Variants in YWHAH observed in about 807,000 individuals in gnomAD.
YWHAH encodes tyrosine 3-monooxygenase/tryptophan 5-monooxygenase activation protein eta, also known as 14-3-3 protein eta.
Under a neutral mutation model 22.9 loss-of-function variants are expected in YWHAH, and 6 were observed. That is an observed-to-expected ratio of 0.26 (90% confidence interval 0.14 to 0.52). YWHAH has a LOEUF of 0.52. Among genes scored for constraint, YWHAH ranks in the 20% least tolerant of loss-of-function variants. The pLI is 0.97. For missense variants in YWHAH, 173 were observed against 308.6 expected, an observed-to-expected ratio of 0.56 and a Z score of 3.29; for synonymous variants, 135 against 124.5, an observed-to-expected ratio of 1.08 and a Z score of -0.56.
In YWHAH at chr22:31,944,912, A is replaced by T. The variant is rs886264466; in HGVS notation, c.87+92A>T. 13 of 1,155,394 alleles carry T rather than the reference A, an allele frequency of 1.1e-5. No individual in the cohort carries two copies. In the East Asian group the frequency reaches 1.6e-4, roughly 14 times the overall value. The allele number at this position is 1,155,394 out of a possible 1,614,324, so 71.6% of individuals were successfully genotyped here. On this transcript the variant is annotated intron_variant, in intron 1 of 1. Transcript: ENST00000248975. The stretch of plus-strand genomic sequence containing the variant: ...CCGCGGGCGCGTTCCCCTCCCGGCC[A>T]TGGGCGACCCGGCGACCCGGCTGGG...
intron 1 of YWHAH, chr22:31,945,665 AT>A (rs1425784871): frequency 2.4e-6 from 3 of 1,271,494 alleles, no homozygotes; most frequent in African/African-American, 1.5e-5. Flanking sequence ...TCTCCACGTT[AT>A]TTTACGTTTT....
chr22:31,945,077 C>A (rs1286083140), intron 1 of YWHAH: 1 of 1,094,208 alleles, frequency 9.1e-7, no homozygotes, highest in Non-Finnish European at 1.1e-6. Context: ...GGGGGCGGGC[C>A]GGTCGGGGTC....
Position 31,956,189 on chromosome 22 carries a change from T to C in YWHAH, c.138T>C (p.Ser46=). The change falls in exon 2 of 2, where the codon TCT becomes TCC. Residue 46 remains serine (S), a synonymous_variant. Transcript: ENST00000248975. The surrounding 1 kb of genome is among the most constrained non-coding windows in gnomAD (Gnocchi z 5.1). ...CCAATGAAGATCGAAATCTCCTCTC[T>C]GTGGCCTACAAGAATGTGGTTGGTG... ...PLSNEDRNLL[S]VAYKNVVGAR... The C allele has an allele frequency of 6.2e-7, 1 of 1,614,140 alleles. No individual in the cohort carries two copies. The highest frequency in any genetic ancestry group is 1.3e-5 in the African/African-American group (1 of 75,042).
chr22:31,945,723 A>C, intron 1 of YWHAH: 1 of 1,214,990 alleles, frequency 8.2e-7, no homozygotes, highest in Non-Finnish European at 1.1e-6. Context: ...ACACAGTGGT[A>C]GAACAACTGC....
chr22:31,945,685 G>T, intron 1 of YWHAH: 6 of 1,093,280 alleles, frequency 5.5e-6, no homozygotes, highest in Non-Finnish European at 7.2e-6. Flanking sequence ...TTCTGTAAAT[G>T]AATATTTCCT....
intron 1 of YWHAH, chr22:31,945,718 G>A (rs2093833370): frequency 1.6e-6 from 2 of 1,223,140 alleles, no homozygotes; most frequent in Non-Finnish European, 2.1e-6. Context: ...AGGTCACACA[G>A]TGGTAGAACA....
chr22:31,946,989 G>A (rs3747158), intron 1 of YWHAH, among the ~76,000 whole-genome samples: 63,072 of 151,978 alleles, frequency 0.42, 13,386 homozygotes, highest in African/African-American at 0.49. Context: ...GTGCTTATAG[G>A]TATTTTCTTT....
chr22:31,950,529 T>C (rs1214900478), intron 1 of YWHAH: 2 of 615,986 alleles, frequency 3.2e-6, no homozygotes, highest in African/African-American at 3.7e-5. Context: ...CAGATGGTGT[T>C]GTATTTAATC....
At chr22:31,944,963 C>G (rs2093831388) in intron 1 of YWHAH, 143 bp downstream of exon 1, 1 of 1,119,858 alleles carries the variant, frequency 8.9e-7, no homozygotes. Flanking sequence ...GCCCTTAGCC[C>G]GCGCTTCCCG....
intron 1 of YWHAH, among the ~76,000 whole-genome samples, chr22:31,946,793 C>G (rs1248747640): frequency 6.6e-6 from 1 of 152,134 alleles, no homozygotes; most frequent in Non-Finnish European, 1.5e-5. Flanking sequence ...CTACTTGTGT[C>G]CATAGATCTT....
intron 1 of YWHAH, 56 bp downstream of exon 1, chr22:31,944,876 G>T: frequency 8.0e-7 from 1 of 1,242,912 alleles, no homozygotes; most frequent in Non-Finnish European, 1.0e-6. Context: ...GTTGGGGAGG[G>T]ACGGGGATGG....
Position 31,956,622 on chromosome 22 carries a change from G to C in YWHAH, c.571G>C (p.Glu191Gln). The C allele has an allele frequency of 6.2e-7, 1 of 1,614,076 alleles. No individual in the cohort carries two copies. Among genetic ancestry groups the C allele is most frequent in the African/African-American group, 1.3e-5 (1 of 75,040 alleles). Residue 191 changes from glutamate to glutamine, a missense_variant, in exon 2 of 2, where the codon GAG becomes CAG. By Grantham distance (29) the Glu-to-Gln change is conservative. Transcript: ENST00000248975. This position sits in a 1 kb window ranked among gnomAD's most constrained non-coding sequence, Gnocchi z 5.1. Reference protein sequence around the residue: ...VFYYEIQNAPEQACLLAKQAF... With the variant: ...VFYYEIQNAPQQACLLAKQAF... ...CTACTATGAGATCCAGAATGCACCT[G>C]AGCAAGCCTGCCTCTTAGCCAAACA...
chr22:31,949,413 G>A (rs908462045), intron 1 of YWHAH, among the ~76,000 whole-genome samples: 9 of 151,984 alleles, frequency 5.9e-5, no homozygotes, highest in African/African-American at 2.2e-4. Context: ...CAAAGTACTG[G>A]GATTACAGGC....
chr22:31,948,765 G>A (rs2093838603), intron 1 of YWHAH, among the ~76,000 whole-genome samples: 1 of 152,236 alleles, frequency 6.6e-6, no homozygotes. Flanking sequence ...CATTTAAAAT[G>A]TAATCGTCTT....
intron 1 of YWHAH, among the ~76,000 whole-genome samples, chr22:31,950,607 A>G (rs2093842014): frequency 6.6e-6 from 1 of 152,164 alleles, no homozygotes; most frequent in Non-Finnish European, 1.5e-5. Flanking sequence ...TTGGCTATAC[A>G]AGGGTAGCTG....
chr22:31,953,216 T>C (rs749192038), intron 1 of YWHAH, among the ~76,000 whole-genome samples: 6 of 152,234 alleles, frequency 3.9e-5, no homozygotes, highest in Non-Finnish European at 8.8e-5. Context: ...CAAATGGCCT[T>C]AGTTTAATTA....
At chr22:31,945,888 C>CTT (rs1044832334) in intron 1 of YWHAH, among the ~76,000 whole-genome samples, 1 of 152,102 alleles carries the variant, frequency 6.6e-6, no homozygotes, top group African/African-American at 2.4e-5. Context: ...TGGCTTAAGT[C>CTT]TGAGAATTAC....
intron 1 of YWHAH, among the ~76,000 whole-genome samples, chr22:31,949,120 T>C (rs1369700387): frequency 6.6e-6 from 1 of 150,950 alleles, no homozygotes; most frequent in Non-Finnish European, 1.5e-5. Context: ...TTAGCAAGTT[T>C]ATATAACATA....
At position 31,956,374 on chromosome 22, in the gene YWHAH, T is replaced by C. The variant is rs1197780611; in HGVS notation, c.323T>C (p.Leu108Pro). The C allele has an allele frequency of 6.2e-7, 1 of 1,614,182 alleles. No individual in the cohort carries two copies. Among genetic ancestry groups the C allele is most frequent in the East Asian group, 2.2e-5 (1 of 44,886 alleles). The part of the protein sequence containing the change: ...NDVLSLLDKF[L>P]IKNCNDFQYE... ...GTCCTGTCTCTGCTTGACAAGTTCC[T>C]GATCAAGAACTGCAATGATTTCCAG... is the stretch of plus-strand genomic sequence containing the variant. Residue 108 changes from leucine to proline, a missense_variant, in exon 2 of 2, where the codon CTG (leucine) becomes CCG (proline). Leu to Pro is a moderately conservative substitution (Grantham distance 98). Transcript: ENST00000248975. The surrounding 1 kb of genome is among the most constrained non-coding windows in gnomAD (Gnocchi z 5.1).
Sources: gnomAD v4.1 joint callset for allele counts (sites outside exome capture counted in the v4.1 genomes callset) on GRCh38, gnomAD v4.1.1 for gene constraint, Gnocchi (gnomAD v3.1) non-coding constraint, MANE v1.5 for transcripts, NCBI Gene and HGNC (gene_info 2026-07-23, HGNC 2026-07-21) for gene names.